Variants in ACOT7 observed in about 807,000 individuals in gnomAD.
ACOT7 encodes the protein cytosolic acyl coenzyme A thioester hydrolase.
In ACOT7, 12 loss-of-function variants were observed where a neutral mutation model predicts 40.2. The observed-to-expected ratio is 0.30, with a 90% CI of 0.19 to 0.48. The LOEUF (loss-of-function observed/expected upper bound fraction) is 0.48. Among genes scored for constraint, ACOT7 ranks in the 20% least tolerant of loss-of-function variants. ACOT7 has a pLI of 0.99. For synonymous variants in ACOT7, 228 were observed against 219.5 expected (o/e 1.04, Z -0.34); for missense variants, 395 against 530.8 (o/e 0.74, Z 2.51).
Position 6,282,788 on chromosome 1 carries a change from T to C in ACOT7, c.830-1502A>G. 7.7e-7 allele frequency: 1 copy of C among 1,304,266 alleles called. No homozygotes were observed. The allele number at this position is 1,304,266 out of a possible 1,614,324, so 80.8% of individuals were successfully genotyped here. A position where few individuals can be genotyped will look rare whatever the true frequency, so the allele number is the denominator to read the frequency against. ...GCTGTGTGGTCAGCGCCAGCAGGCA[T>C]TACGTGAGCTGTAAGGTACAGAGTC... On this transcript the variant is annotated intron_variant, in intron 7 of 8. Coordinates refer to ENST00000361521, the MANE Select transcript of ACOT7 (RefSeq NM_007274.4). This position sits in a 1 kb window ranked among gnomAD's most constrained non-coding sequence, Gnocchi z 4.5.
chr1:6,316,121 G>A (rs185239989), intron 6 of ACOT7, among the ~76,000 whole-genome samples: 20 of 152,294 alleles, frequency 1.3e-4, no homozygotes, highest in Middle Eastern at 3.4e-3. Context: ...GACAAAGTAA[G>A]CAGAACTCAT....
chr1:6,308,061 C>T (rs1342987050), intron 6 of ACOT7, among the ~76,000 whole-genome samples: 2 of 151,142 alleles, frequency 1.3e-5, no homozygotes, highest in Non-Finnish European at 1.5e-5. Flanking sequence ...GGAACAGCCA[C>T]AGGCAGAGGG....
chr1:6,266,593 G>A (rs532695203), intron 8 of ACOT7, among the ~76,000 whole-genome samples: 38 of 152,354 alleles, frequency 2.5e-4, no homozygotes, highest in South Asian at 4.1e-4. Context: ...TCCATCTGCC[G>A]CTGCCCCAAA....
intron 1 of ACOT7, among the ~76,000 whole-genome samples, chr1:6,365,209 G>A (rs1641977186): frequency 6.6e-6 from 1 of 152,158 alleles, no homozygotes; most frequent in Non-Finnish European, 1.5e-5. Context: ...GGCAGGGAGG[G>A]ACCAGAGAAG....
intron 2 of ACOT7, among the ~76,000 whole-genome samples, chr1:6,347,778 A>C (rs1489312770): frequency 6.6e-6 from 1 of 151,736 alleles, no homozygotes; most frequent in African/African-American, 2.4e-5. Context: ...GAAAAAAAAA[A>C]ACAAGACAAG....
chr1:6,312,852 T>A lies in ACOT7; in HGVS notation c.712+5640A>T, dbSNP rs1394371907. Among the ~76,000 whole-genome samples, 4 of 152,170 alleles carry A rather than the reference T, an allele frequency of 2.6e-5. No individual in the cohort carries two copies. The South Asian group carries it at 6.2e-4, about 24-fold the overall frequency. On this transcript the variant is annotated intron_variant, in intron 6 of 8. Transcript: ENST00000361521. ...ATATACCTACTATGTACCCAAAAAA[T>A]TTTTTAAAAAGCTGTCCACAGATGA...
intron 2 of ACOT7, among the ~76,000 whole-genome samples, chr1:6,348,193 C>G (rs546893315): frequency 1.3e-5 from 2 of 152,144 alleles, no homozygotes; most frequent in Non-Finnish European, 2.9e-5. Flanking sequence ...GCCCAGCCAG[C>G]GAGCCCCTCC....
In ACOT7 at chr1:6,313,413, C is replaced by T. The variant is rs760795048; in HGVS notation, c.712+5079G>A. On this transcript the variant is annotated intron_variant, in intron 6 of 8. Coordinates refer to ENST00000361521, the MANE Select transcript of ACOT7 (RefSeq NM_007274.4). ...CAGAAGCCAGAAGACATGGAACAAACGCTTCCAAGCCCTGTAAGGAACACT... is the reference window on the plus strand; with the variant it reads ...CAGAAGCCAGAAGACATGGAACAAATGCTTCCAAGCCCTGTAAGGAACACT... Among the ~76,000 whole-genome samples, 27 of 152,178 alleles carry T rather than the reference C, an allele frequency of 1.8e-4. 1 individual carries two copies. Among genetic ancestry groups the T allele is most frequent in the African/African-American group, 6.3e-4 (26 of 41,430 alleles).
chr1:6,313,740 C>G (rs1158182412), intron 6 of ACOT7, among the ~76,000 whole-genome samples: 4 of 152,020 alleles, frequency 2.6e-5, no homozygotes, highest in Non-Finnish European at 5.9e-5. Flanking sequence ...CACAGGGCAG[C>G]AGAAGCCTGG....
intron 8 of ACOT7, among the ~76,000 whole-genome samples, chr1:6,272,680 G>T (rs575424697): frequency 2.0e-5 from 3 of 152,186 alleles, no homozygotes; most frequent in Non-Finnish European, 4.4e-5. Context: ...TGCTGAGAGC[G>T]CCGAGCCAAG....
At chr1:6,277,352 G>A (rs528492296) in intron 8 of ACOT7, among the ~76,000 whole-genome samples, 48 of 152,230 alleles carry the variant, frequency 3.2e-4, no homozygotes, top group African/African-American at 1.1e-3. Flanking sequence ...GCCTGCAGCC[G>A]CTGCCAACCT....
chr1:6,366,889 C>T (rs1348604932), intron 1 of ACOT7, among the ~76,000 whole-genome samples: 1 of 151,956 alleles, frequency 6.6e-6, no homozygotes, highest in Non-Finnish European at 1.5e-5. Flanking sequence ...CCTAGACCAG[C>T]CCAGTAGAAC....
At chr1:6,356,299 C>T (rs553905114) in intron 1 of ACOT7, among the ~76,000 whole-genome samples, 14 of 152,268 alleles carry the variant, frequency 9.2e-5, no homozygotes, top group Non-Finnish European at 1.8e-4. Context: ...CACCTGCCAC[C>T]TGGTTTGTGG....
chr1:6,293,921 A>G (rs916701441), intron 7 of ACOT7, among the ~76,000 whole-genome samples: 26 of 152,198 alleles, frequency 1.7e-4, no homozygotes, highest in African/African-American at 6.0e-4. Context: ...TGCCGGAGAC[A>G]GCACCAAGGC....
chr1:6,317,218 T>C (rs114062004), intron 6 of ACOT7, among the ~76,000 whole-genome samples: 485 of 152,342 alleles, frequency 3.2e-3, no homozygotes, highest in Middle Eastern at 0.017. Context: ...CACTTCACTA[T>C]GATCTTATCT....
At chr1:6,368,777 C>T (rs1228310751) in intron 1 of ACOT7, among the ~76,000 whole-genome samples, 2 of 152,158 alleles carry the variant, frequency 1.3e-5, no homozygotes, top group African/African-American at 4.8e-5. Context: ...AGTCAGCTGC[C>T]CGGGGAATGC....
intron 8 of ACOT7, among the ~76,000 whole-genome samples, chr1:6,269,360 G>A (rs991631028): frequency 2.6e-5 from 4 of 152,176 alleles, no homozygotes; most frequent in African/African-American, 9.7e-5. Flanking sequence ...CCCGGCCCTC[G>A]GCACAGCCTA....
chr1:6,302,519 C>T (rs1174726090), intron 6 of ACOT7, among the ~76,000 whole-genome samples: 3 of 152,058 alleles, frequency 2.0e-5, no homozygotes, highest in Admixed American at 2.0e-4. Flanking sequence ...AGTGCCTCAG[C>T]CTCCACCCAC....
intron 3 of ACOT7, among the ~76,000 whole-genome samples, chr1:6,336,244 G>T (rs748560180): frequency 5.7e-5 from 8 of 141,568 alleles, no homozygotes; most frequent in Non-Finnish European, 1.2e-4. Flanking sequence ...TGAGGCAGGA[G>T]AATCACTTGA....
Sources: gnomAD v4.1 joint callset for allele counts (sites outside exome capture counted in the v4.1 genomes callset) on GRCh38, gnomAD v4.1.1 for gene constraint, Gnocchi (gnomAD v3.1) non-coding constraint, MANE v1.5 for transcripts, NCBI Gene and HGNC (gene_info 2026-07-23, HGNC 2026-07-21) for gene names.